ADGRE3: variants seen among roughly 807,000 people sequenced by gnomAD.
ADGRE3 encodes adhesion G protein-coupled receptor E3.
Under a neutral mutation model 80.1 loss-of-function variants are expected in ADGRE3, and 88 were observed. The ratio of observed to expected loss-of-function variants is 1.10; its 90% CI spans 0.93 to 1.31. The LOEUF is 1.31. Ranked by LOEUF, ADGRE3 falls within the 40% of genes most tolerant of loss-of-function variation. The pLI is 0.00. For synonymous variants in ADGRE3, 281 were observed against 294.8 expected, an observed-to-expected ratio of 0.95 and a Z score of 0.48; for missense variants, 715 against 776.5, an observed-to-expected ratio of 0.92 and a Z score of 0.94.
intron 2 of ADGRE3, 69 bp from the exon 3 acceptor site, chr19:14,663,609 C>T: frequency 1.3e-6 from 2 of 1,523,294 alleles, no homozygotes; most frequent in South Asian, 2.4e-5. Context: ...TTAGGCCCTG[C>T]CTCTTGATCA....
At chr19:14,665,224 C>G (rs541717234) in intron 2 of ADGRE3, among the ~76,000 whole-genome samples, 1 of 151,724 alleles carries the variant, frequency 6.6e-6, no homozygotes, top group East Asian at 1.9e-4. Flanking sequence ...CCACCACGCC[C>G]GGCTAATTTT....
At chr19:14,658,673 T>G in intron 4 of ADGRE3, 123 bp from the exon 5 acceptor site, 1 of 457,722 alleles carries the variant, frequency 2.2e-6, no homozygotes, top group Non-Finnish European at 3.9e-6. Flanking sequence ...CCTGAATTCA[T>G]AGTCTTTATC....
the ADGRE3 span, among the ~76,000 whole-genome samples, chr19:14,601,466 A>G: frequency 6.6e-6 from 1 of 152,210 alleles, no homozygotes; most frequent in African/African-American, 2.4e-5. Flanking sequence ...AATATGTATC[A>G]TCTGTACTTC....
chr19:14,665,655 A>G lies in ADGRE3; in HGVS notation c.77-2115T>C, dbSNP rs192216876. On this transcript the variant is annotated intron_variant, in intron 2 of 15. Transcript: ENST00000253673. ...CAGGCATCTGCCAAAATGCCCAGCTAATTAAAAAAATTTTTTTGTAGAGAT... is the reference window on the plus strand; with the variant it reads ...CAGGCATCTGCCAAAATGCCCAGCTGATTAAAAAAATTTTTTTGTAGAGAT... 8.6e-5 allele frequency among the ~76,000 whole-genome samples: 13 copies of G among 151,346 alleles called. No individual in the cohort carries two copies. The East Asian group carries it at 2.6e-3, about 30-fold the overall frequency.
At chr19:14,625,451 G>C in intron 15 of ADGRE3, 41 bp downstream of exon 15, 1 of 1,235,130 alleles carries the variant, frequency 8.1e-7, no homozygotes, top group South Asian at 1.2e-5. Context: ...GTCAAGAGAG[G>C]AGTATGTAAA....
intron 13 of ADGRE3, among the ~76,000 whole-genome samples, chr19:14,630,610 C>T (rs762735759): frequency 3.0e-4 from 46 of 151,938 alleles, no homozygotes; most frequent in Non-Finnish European, 5.1e-4. Context: ...GATGGGGTTT[C>T]GCCATGTTGA....
At chr19:14,658,753 G>A (rs1971849190) in intron 4 of ADGRE3, among the ~76,000 whole-genome samples, 1 of 151,418 alleles carries the variant, frequency 6.6e-6, no homozygotes. Context: ...TTTTTATTTT[G>A]AGACAGAGTC....
In ADGRE3 at chr19:14,620,497, AT is replaced by A. The variant is rs200405828; in HGVS notation, c.1921-1027del. Among the ~76,000 whole-genome samples the A allele has an allele frequency of 2.2e-3, 89 of 41,092 alleles. 3 individuals carry two copies. The highest frequency in any genetic ancestry group is 0.012 in the Middle Eastern group (1 of 82). The allele number at this position is 41,092 out of a possible 152,430, so 27.0% of individuals were successfully genotyped here. A position where few individuals can be genotyped will look rare whatever the true frequency, so the allele number is the denominator to read the frequency against. On this transcript the variant is annotated intron_variant, in intron 15 of 15. Coordinates refer to ENST00000253673, the MANE Select transcript of ADGRE3 (RefSeq NM_032571.5). ...TATGAGTACATATGAATATATATGA[AT>A]ATATGAATATATTATGACTATATAT...
chr19:14,617,758 T>C (rs142631653), downstream of ADGRE3, among the ~76,000 whole-genome samples: 58 of 152,190 alleles, frequency 3.8e-4, no homozygotes, highest in Non-Finnish European at 7.2e-4. Context: ...CAGTCTTCCT[T>C]TTATTCTTCC....
At chr19:14,635,950 T>A (rs1411458566) in intron 11 of ADGRE3, among the ~76,000 whole-genome samples, 2 of 151,308 alleles carry the variant, frequency 1.3e-5, no homozygotes, top group African/African-American at 4.8e-5. Context: ...GAGACTTTCT[T>A]TTTTTGGTTT....
chr19:14,636,910 A>G (rs1240899401), intron 11 of ADGRE3, among the ~76,000 whole-genome samples: 1 of 152,106 alleles, frequency 6.6e-6, no homozygotes, highest in Non-Finnish European at 1.5e-5. Flanking sequence ...CCTGGTCAAC[A>G]TGGTGAAACC....
chr19:14,663,203 A>G (rs1185047740), intron 3 of ADGRE3, among the ~76,000 whole-genome samples: 1 of 151,718 alleles, frequency 6.6e-6, no homozygotes, highest in African/African-American at 2.4e-5. Flanking sequence ...GGGTTTTGTC[A>G]TGTTGGCCAG....
At chr19:14,625,382 A>AAAAAAC in intron 15 of ADGRE3, 110 bp downstream of exon 15, 1 of 772,602 alleles carries the variant, frequency 1.3e-6, no homozygotes, top group Admixed American at 2.3e-5. Context: ...CTCAGAACTT[A>AAAAAAC]AAAAACAAAA....
the ADGRE3 span, among the ~76,000 whole-genome samples, chr19:14,608,603 A>G: frequency 6.6e-6 from 1 of 151,314 alleles, no homozygotes; most frequent in Non-Finnish European, 1.5e-5. Flanking sequence ...GGGAGAAAAA[A>G]GGGAGGGTGG....
chr19:14,632,864 T>C (rs1568478751), intron 13 of ADGRE3, 57 bp downstream of exon 13: 4 of 1,146,774 alleles, frequency 3.5e-6, no homozygotes, highest in Non-Finnish European at 5.3e-6. Context: ...TGTATGGATA[T>C]GTAGGAAGGA....
chr19:14,607,024 G>T, the ADGRE3 span: 2 of 1,320,676 alleles, frequency 1.5e-6, no homozygotes, highest in Non-Finnish European at 9.7e-7. Context: ...GGCTCTCCAC[G>T]GGTGTACTGG....
chr19:14,639,486 C>A (rs373670432), intron 10 of ADGRE3, among the ~76,000 whole-genome samples: 1 of 152,136 alleles, frequency 6.6e-6, no homozygotes, highest in East Asian at 1.9e-4. Flanking sequence ...CTCACTGCAG[C>A]CTCGAACTCC....
In ADGRE3 at chr19:14,641,570, A is replaced by C; in HGVS notation, c.1097T>G (p.Val366Gly). 6.2e-7 allele frequency: 1 copy of C among 1,614,148 alleles called. No homozygotes were observed. Among genetic ancestry groups the C allele is most frequent in the Non-Finnish European group, 8.5e-7 (1 of 1,180,018 alleles). Reference sequence around the variant, plus strand: ...CGCCAGGAGGAGGCACAGCAGAGAGACGCTCAGCCCCACGTAGGTGATGAC... The same window carrying C: ...CGCCAGGAGGAGGCACAGCAGAGAGCCGCTCAGCCCCACGTAGGTGATGAC... ...LTVITYVGLS[V>G]SLLCLLLAAL... Residue 366 changes from valine to glycine, a missense_variant, in exon 10 of 16, where the codon GTC (valine) becomes GGC (glycine). Transcript: ENST00000253673.
intron 11 of ADGRE3, among the ~76,000 whole-genome samples, chr19:14,633,699 C>T (rs549170026): frequency 2.4e-4 from 30 of 126,682 alleles, no homozygotes; most frequent in South Asian, 2.1e-3. Flanking sequence ...ACTGAGACTC[C>T]GTCTCAAAAA....
Sources: gnomAD v4.1 joint callset for allele counts (sites outside exome capture counted in the v4.1 genomes callset) on GRCh38, gnomAD v4.1.1 for gene constraint, MANE v1.5 for transcripts, NCBI Gene and HGNC (gene_info 2026-07-23, HGNC 2026-07-21) for gene names.